Variants in TUB observed in about 807,000 individuals in gnomAD.
TUB encodes tubby protein homolog.
A neutral mutation model predicts 59.7 loss-of-function variants in TUB; 33 were observed. The ratio of observed to expected loss-of-function variants is 0.55; its 90% confidence interval spans 0.42 to 0.74. The LOEUF (loss-of-function observed/expected upper bound fraction) is 0.74. TUB is among the 30% of genes least tolerant of loss of function. The pLI is 0.00. For synonymous variants in TUB, 293 were observed against 256.4 expected (o/e 1.14, Z -1.36); for missense variants, 659 against 672.0 (o/e 0.98, Z 0.21).
intron 2 of TUB, among the ~76,000 whole-genome samples, chr11:8,063,088 G>A (rs1425549353): frequency 6.6e-6 from 1 of 152,206 alleles, no homozygotes; most frequent in Non-Finnish European, 1.5e-5. Context: ...GCTGAGGCCG[G>A]GGACCCTCAC....
intron 2 of TUB, among the ~76,000 whole-genome samples, chr11:8,065,878 A>G (rs1424656095): frequency 6.6e-6 from 1 of 152,206 alleles, no homozygotes; most frequent in Non-Finnish European, 1.5e-5. Flanking sequence ...AGCCCCTAGC[A>G]CCACTCCTGC....
At chr11:8,041,983 T>C (rs534579870) in intron 2 of TUB, among the ~76,000 whole-genome samples, 59 of 152,326 alleles carry the variant, frequency 3.9e-4, no homozygotes, top group African/African-American at 1.4e-3. Context: ...TACCCACTTA[T>C]TGGGATATAA....
At chr11:8,074,935 C>T (rs1272707934) in intron 2 of TUB, among the ~76,000 whole-genome samples, 2 of 151,602 alleles carry the variant, frequency 1.3e-5, no homozygotes, top group Non-Finnish European at 2.9e-5. Flanking sequence ...TTAGTAGAGA[C>T]GGGTTTGCCA....
At chr11:8,049,055 C>G (rs574110380) in intron 2 of TUB, among the ~76,000 whole-genome samples, 6 of 152,146 alleles carry the variant, frequency 3.9e-5, no homozygotes, top group African/African-American at 1.4e-4. Context: ...GGATTTGAAC[C>G]CAAGTCTATT....
chr11:8,025,480 A>G (rs908448833), intron 1 of TUB, among the ~76,000 whole-genome samples: 1 of 152,062 alleles, frequency 6.6e-6, no homozygotes, highest in Admixed American at 6.6e-5. Flanking sequence ...AAACTTCCTT[A>G]TTGCTCTTCT....
In TUB at chr11:8,039,012, G is replaced by A. The variant is rs769088023; in HGVS notation, c.139G>A (p.Gly47Ser). Residue 47 changes from glycine (G) to serine (S), a missense_variant, in exon 1 of 13, where the codon GGC (glycine) becomes AGC (serine). Physicochemically the swap from Gly to Ser is moderately conservative, Grantham distance 56. Transcript: ENST00000305253. ...CAGGAAACCTGGGCCCCTGAAACGG[G>A]GCCACCGAAGAGATCGGTAAGCTTT... The A allele has an allele frequency of 6.2e-6, 10 of 1,613,318 alleles. No homozygotes were observed. The South Asian group carries it at 1.1e-4, about 18-fold the overall frequency.
intron 2 of TUB, among the ~76,000 whole-genome samples, chr11:8,049,578 T>TAGATAGATAGATAGATAG (rs1554923443): frequency 2.3e-5 from 2 of 85,926 alleles, no homozygotes; most frequent in African/African-American, 7.0e-5. Context: ...TATATATATA[T>TAGATAGATAGATAGATAG]ATAGATAGAT....
At chr11:8,043,608 A>C (rs1056912250) in intron 2 of TUB, among the ~76,000 whole-genome samples, 83 of 152,310 alleles carry the variant, frequency 5.4e-4, no homozygotes, top group Admixed American at 2.4e-3. Context: ...CTTTCAAAGA[A>C]GTTTATAGTT....
Position 8,097,705 on chromosome 11 carries a change from C to T in TUB, c.886-9C>T, listed in dbSNP as rs1241786410. On this transcript the variant is annotated splice_polypyrimidine_tract_variant and intron_variant, in intron 7 of 11. Coordinates refer to ENST00000299506, the MANE Select transcript of TUB (RefSeq NM_177972.3). ...GAGTCTGGAATATGACCTCATTCCA[C>T]TCCCCAAGGTGTTCCTCCTGGCGGG... 4 of 1,608,242 alleles carry T rather than the reference C, an allele frequency of 2.5e-6. No individual in the cohort carries two copies. Among genetic ancestry groups the T allele is most frequent in the African/African-American group, 2.7e-5 (2 of 74,838 alleles).
In TUB at chr11:8,103,913, A is replaced by C. The variant is rs996501682; in HGVS notation, c.*2294A>C. ...TGGCCTCTGCTTTCTCCTGTAGCACAAAGAGGGAGTTGGCTGGATCTTTTG... is the reference window on the plus strand; with the variant it reads ...TGGCCTCTGCTTTCTCCTGTAGCACCAAGAGGGAGTTGGCTGGATCTTTTG... On this transcript the variant is annotated 3_prime_UTR_variant, in exon 12 of 12. Transcript: ENST00000299506. 2.0e-5 allele frequency: 3 copies of C among 152,272 alleles called. No homozygotes were observed. Among genetic ancestry groups the C allele is most frequent in the African/African-American group, 7.2e-5 (3 of 41,470 alleles). The allele number at this position is 152,272 out of a possible 1,614,324, so 9.4% of individuals were successfully genotyped here.
At chr11:8,085,799 G>A (rs970946360) in intron 1 of TUB, among the ~76,000 whole-genome samples, 1 of 152,242 alleles carries the variant, frequency 6.6e-6, no homozygotes, top group African/African-American at 2.4e-5. Flanking sequence ...AAGAGAGGGA[G>A]TTCGGAAACA....
intron 1 of TUB, among the ~76,000 whole-genome samples, chr11:8,020,887 G>A (rs2133693658): frequency 6.6e-6 from 1 of 152,178 alleles, no homozygotes; most frequent in East Asian, 1.9e-4. Flanking sequence ...ACTATATCCT[G>A]GGCCCTGGAA....
At chr11:8,090,447 C>T (rs986808936) in intron 3 of TUB, among the ~76,000 whole-genome samples, 3 of 152,242 alleles carry the variant, frequency 2.0e-5, no homozygotes, top group African/African-American at 7.2e-5. Flanking sequence ...CTGAATCAGG[C>T]ACTGAGGCCA....
upstream of TUB, among the ~76,000 whole-genome samples, chr11:8,037,134 C>T (rs1942658114): frequency 3.3e-5 from 5 of 152,318 alleles, no homozygotes; most frequent in South Asian, 6.2e-4. Flanking sequence ...TGCATGCACA[C>T]GTCCACTTCC....
At chr11:8,067,393 C>T (rs904025456) in intron 2 of TUB, 1 of 152,180 alleles carries the variant, frequency 6.6e-6, no homozygotes, top group Non-Finnish European at 1.5e-5. Flanking sequence ...GATCTATAAA[C>T]TGGAAATAAT....
chr11:8,063,014 G>T (rs546371824), intron 2 of TUB, among the ~76,000 whole-genome samples: 1 of 152,210 alleles, frequency 6.6e-6, no homozygotes, highest in Non-Finnish European at 1.5e-5. Flanking sequence ...GAGGAAGGAA[G>T]GCTCAGGAAG....
chr11:8,101,626 C>T lies in TUB; in HGVS notation c.*7C>T, dbSNP rs773963377. The T allele has an allele frequency of 1.9e-6, 3 of 1,614,080 alleles. No homozygotes were observed. The highest frequency in any genetic ancestry group is 2.5e-6 in the Non-Finnish European group (3 of 1,179,960). On this transcript the variant is annotated 3_prime_UTR_variant, in exon 12 of 12. Coordinates refer to ENST00000299506, the MANE Select transcript of TUB (RefSeq NM_177972.3). ...CAAGCTGGCGTGCGAGTAGAGGCCT[C>T]TTCGTGCCCTTTGGGGTTGCCCAGC...
Position 8,101,850 on chromosome 11 carries a change from T to C in TUB, c.*231T>C. ...GGTGTGAAGGGATGAGAATAATTCTTTCCATGCCACGAGATCAACACACAC... is the reference window on the plus strand; with the variant it reads ...GGTGTGAAGGGATGAGAATAATTCTCTCCATGCCACGAGATCAACACACAC... On this transcript the variant is annotated 3_prime_UTR_variant, in exon 12 of 12. Coordinates refer to ENST00000299506, the MANE Select transcript of TUB (RefSeq NM_177972.3). 4.1e-6 allele frequency: 2 copies of C among 482,828 alleles called. No individual in the cohort carries two copies. Among genetic ancestry groups the C allele is most frequent in the Non-Finnish European group, 3.4e-6 (1 of 296,260 alleles). The allele number at this position is 482,828 out of a possible 1,614,324, so 29.9% of individuals were successfully genotyped here.
At chr11:8,096,629 C>A in intron 5 of TUB, 56 bp from the exon 6 acceptor site, 1 of 1,186,280 alleles carries the variant, frequency 8.4e-7, no homozygotes, top group Non-Finnish European at 1.3e-6. Flanking sequence ...ATGTGTATTT[C>A]AGGGGCAGCG....
Sources: allele counts gnomAD v4.1 joint callset (sites outside exome capture counted in the v4.1 genomes callset), GRCh38; gene constraint gnomAD v4.1.1; transcripts MANE v1.5; gene names NCBI Gene and HGNC (gene_info 2026-07-23, HGNC 2026-07-21).